The following RIBC1 variants were observed in gnomAD, a reference collection of about 807,000 sequenced individuals.
RIBC1 encodes the protein RIB43A-like with coiled-coils protein 1.
A neutral mutation model predicts 33.7 loss-of-function variants in RIBC1; 12 were observed. That is an observed-to-expected ratio of 0.36 (90% CI 0.23 to 0.58). The LOEUF is 0.58. Ranked by LOEUF, RIBC1 falls within the 20% of genes least tolerant of loss-of-function variation. The pLI, the probability that RIBC1 is intolerant of heterozygous loss-of-function variation, is 0.81. For missense variants in RIBC1, 242 were observed against 311.6 expected (o/e 0.78, Z 1.68); for synonymous variants, 89 against 109.0 (o/e 0.82, Z 1.14).
chrX:53,428,706 G>T (rs1207723354), intron 5 of RIBC1, 79 bp downstream of exon 5: 2 of 1,170,939 alleles, frequency 1.7e-6, no homozygotes, highest in Non-Finnish European at 2.3e-6. Context: ...GCAGCCAGGG[G>T]ACCAGAACTG....
intron 5 of RIBC1, 98 bp downstream of exon 5, chrX:53,428,725 G>A: frequency 8.7e-7 from 1 of 1,150,261 alleles, no homozygotes; most frequent in South Asian, 2.1e-5. Flanking sequence ...TGTGTGGGGA[G>A]GTCCACTTAT....
intron 2 of RIBC1, among the ~76,000 whole-genome samples, chrX:53,425,829 A>C (rs1433314416): frequency 8.9e-6 from 1 of 112,394 alleles, no homozygotes; most frequent in Admixed American, 9.4e-5. Context: ...GGAGTGTTGT[A>C]GATGTGTTTG....
At chrX:53,424,962 G>A (rs1346301108) in intron 2 of RIBC1, among the ~76,000 whole-genome samples, 1 of 110,032 alleles carries the variant, frequency 9.1e-6, no homozygotes, top group Non-Finnish European at 1.9e-5. Flanking sequence ...GGGAGGCCAA[G>A]GAGGGTGGAT....
intron 3 of RIBC1, among the ~76,000 whole-genome samples, chrX:53,427,461 C>T (rs1556893424): frequency 8.9e-6 from 1 of 112,486 alleles, no homozygotes; most frequent in South Asian, 3.6e-4. Context: ...TCCTCGGGGC[C>T]TGCTCTGTGC....
rs1556892853 is a variant in RIBC1 at position 53,424,652 on chromosome X, C to T, written c.-1+1250C>T. Among the ~76,000 whole-genome samples the T allele has an allele frequency of 2.8e-5, 3 of 107,342 alleles. 1 individual carries two copies. The highest frequency in any genetic ancestry group is 2.0e-4 in the Admixed American group (2 of 9,975). 93.2% of individuals were successfully genotyped at this position (107,342 alleles called of 115,157 possible). The stretch of plus-strand genomic sequence containing the variant: ...CTGGGATTACAGGCGTGAGCCACCG[C>T]GCCCGGCCAAAAATAAAATAAAATT... On this transcript the variant is annotated intron_variant, in intron 2 of 7. Coordinates refer to ENST00000375327, the MANE Select transcript of RIBC1 (RefSeq NM_001031745.5).
At chrX:53,426,473 C>G in intron 3 of RIBC1, 80 bp downstream of exon 3, 1 of 646,282 alleles carries the variant, frequency 1.5e-6, no homozygotes, top group South Asian at 2.7e-5. Context: ...TAACAGTGCC[C>G]ATGATAGCCC....
chrX:53,429,100 A>C (rs781915333), intron 5 of RIBC1: 19 of 125,942 alleles, frequency 1.5e-4, no homozygotes, highest in Non-Finnish European at 2.9e-4. Context: ...CTGTTACAGC[A>C]CTCTGTTCTG....
chrX:53,428,182 G>T (rs1556893538), intron 4 of RIBC1, 98 bp downstream of exon 4: 4 of 1,199,578 alleles, frequency 3.3e-6, no homozygotes, highest in Non-Finnish European at 4.5e-6. Flanking sequence ...AGGCCCTGGG[G>T]TGGTGGGACA....
intron 4 of RIBC1, 90 bp downstream of exon 4, chrX:53,428,174 G>A: frequency 1.7e-6 from 2 of 1,199,332 alleles, no homozygotes; most frequent in Non-Finnish European, 2.3e-6. Flanking sequence ...GTGGCCTGAG[G>A]CCCTGGGGTG....
chrX:53,423,080 C>T (rs2075769825), intron 1 of RIBC1, 76 bp downstream of exon 1: 2 of 172,003 alleles, frequency 1.2e-5, no homozygotes, highest in Non-Finnish European at 2.2e-5. Flanking sequence ...ATTGGAAGGA[C>T]CCGGGGGGAG....
chrX:53,428,262 A>G (rs2075802758), intron 4 of RIBC1, 21 bp from the exon 5 acceptor site: 1 of 1,204,207 alleles, frequency 8.3e-7, no homozygotes, highest in Non-Finnish European at 1.1e-6. Context: ...TCTTCTCCAT[A>G]TCCTTGCTCA....
chrX:53,428,716 G>C, intron 5 of RIBC1, 89 bp downstream of exon 5: 1 of 1,156,759 alleles, frequency 8.6e-7, no homozygotes, highest in Non-Finnish European at 1.2e-6. Flanking sequence ...GACCAGAACT[G>C]TGTGGGGAGG....
At chrX:53,428,652 C>G in intron 5 of RIBC1, 25 bp downstream of exon 5, 1 of 1,206,979 alleles carries the variant, frequency 8.3e-7, no homozygotes, top group East Asian at 3.0e-5. Flanking sequence ...CCTCCAGACT[C>G]AGAGACCTGA....
chrX:53,429,652 A>T, intron 5 of RIBC1: 1 of 1,017,803 alleles, frequency 9.8e-7, no homozygotes, highest in Non-Finnish European at 1.3e-6. Flanking sequence ...ACCCAGGTCC[A>T]TTGGAGGCAT....
At chrX:53,426,593 G>T (rs1018150706) in intron 3 of RIBC1, among the ~76,000 whole-genome samples, 200 bp downstream of exon 3, 1 of 112,025 alleles carries the variant, frequency 8.9e-6, no homozygotes, top group Non-Finnish European at 1.9e-5. Context: ...GTCAGTGCAG[G>T]GGAAGAGACT....
intron 5 of RIBC1, chrX:53,429,085 C>T (rs1409658388): frequency 7.6e-6 from 1 of 131,767 alleles, no homozygotes; most frequent in African/African-American, 3.1e-5. Context: ...CCCTTCACAT[C>T]AACCCTGTTA....
At chrX:53,426,188 AATATT>A (rs2075790330) in intron 2 of RIBC1, 84 bp from the exon 3 acceptor site, 2 of 579,005 alleles carry the variant, frequency 3.5e-6, no homozygotes, top group East Asian at 6.7e-5. Flanking sequence ...TAACTGCTGA[AATATT>A]ATAGGGAGAA....
chrX:53,428,827 GT>G (rs1556893673), intron 5 of RIBC1, 200 bp downstream of exon 5: 22 of 1,071,045 alleles, frequency 2.1e-5, no homozygotes, highest in Non-Finnish European at 2.3e-5. Flanking sequence ...TTCTTGATTA[GT>G]TTGGCACTCC....
Position 53,426,410 on chromosome X carries a change from G to A in RIBC1, c.117+17G>A. ...GTCATGGGGGTGAGTGGGTAGTAGG[G>A]ACTGTTGCTCAGGATCAGGGCCACC... On this transcript the variant is annotated intron_variant, in intron 3 of 7. Transcript: ENST00000375327. 2 of 1,076,703 alleles carry A rather than the reference G, an allele frequency of 1.9e-6. No individual in the cohort carries two copies. Among genetic ancestry groups the A allele is most frequent in the Non-Finnish European group, 2.6e-6 (2 of 778,886 alleles). 88.7% of individuals were successfully genotyped at this position (1,076,703 alleles called of 1,213,427 possible). A position where few individuals can be genotyped will look rare whatever the true frequency, so the allele number is the denominator to read the frequency against.
Sources: gnomAD v4.1 joint callset for allele counts (sites outside exome capture counted in the v4.1 genomes callset) on GRCh38, gnomAD v4.1.1 for gene constraint, MANE v1.5 for transcripts, NCBI Gene and HGNC (gene_info 2026-07-23, HGNC 2026-07-21) for gene names.